The following ZNF804A variants were observed in gnomAD, a reference collection of about 807,000 sequenced individuals.
The protein encoded by ZNF804A is zinc finger protein 804A.
Under a neutral mutation model 16.5 loss-of-function variants are expected in ZNF804A, and 2 were observed. The observed-to-expected ratio is 0.12, with a 90% confidence interval of 0.05 to 0.38. The LOEUF (loss-of-function observed/expected upper bound fraction) is 0.38, where lower values mean the gene tolerates loss of function less well. ZNF804A is among the 10% of genes least tolerant of loss of function. ZNF804A has a pLI of 0.99. For synonymous variants in ZNF804A, 534 were observed against 489.6 expected, an observed-to-expected ratio of 1.09 and a Z score of -1.20; for missense variants, 1,473 against 1,390.7, an observed-to-expected ratio of 1.06 and a Z score of -0.94.
intron 1 of ZNF804A, among the ~76,000 whole-genome samples, chr2:184,656,283 C>T (rs900253978): frequency 2.6e-5 from 4 of 152,040 alleles, no homozygotes; most frequent in African/African-American, 9.7e-5. Flanking sequence ...AGTATGCACG[C>T]AATATTGCTA....
intron 1 of ZNF804A, among the ~76,000 whole-genome samples, chr2:184,752,417 G>T (rs1351092129): frequency 2.0e-5 from 3 of 151,466 alleles, no homozygotes; most frequent in Non-Finnish European, 4.4e-5. Context: ...TTACAAGTGG[G>T]ACTAAATAAT....
intron 1 of ZNF804A, among the ~76,000 whole-genome samples, chr2:184,639,143 G>C (rs975604951): frequency 7.1e-6 from 1 of 141,300 alleles, no homozygotes; most frequent in African/African-American, 2.7e-5. Context: ...GCGTGCTCTC[G>C]GCTCACTGCA....
intron 1 of ZNF804A, among the ~76,000 whole-genome samples, chr2:184,670,476 T>C (rs1424773610): frequency 6.6e-6 from 1 of 152,130 alleles, no homozygotes; most frequent in East Asian, 1.9e-4. Context: ...TTATTCCTTT[T>C]CTTCTCTATA....
intron 2 of ZNF804A, among the ~76,000 whole-genome samples, chr2:184,925,946 G>T (rs113405514): frequency 6.6e-6 from 1 of 151,404 alleles, no homozygotes; most frequent in Admixed American, 6.6e-5. Context: ...ATGGAGTCTC[G>T]CTCTATCTTA....
intron 2 of ZNF804A, among the ~76,000 whole-genome samples, chr2:184,920,555 G>C (rs1685514833): frequency 6.6e-6 from 1 of 152,084 alleles, no homozygotes; most frequent in Non-Finnish European, 1.5e-5. Flanking sequence ...CCTTGTATGT[G>C]GATGGAAACT....
intron 1 of ZNF804A, among the ~76,000 whole-genome samples, chr2:184,731,251 C>CTTAA: frequency 2.2e-5 from 1 of 45,296 alleles, no homozygotes; most frequent in Non-Finnish European, 3.5e-5. Context: ...GGCTCCGTCG[C>CTTAA]AAAAAAAAAA....
chr2:184,821,325 A>T (rs954615756), intron 1 of ZNF804A, among the ~76,000 whole-genome samples: 4 of 152,130 alleles, frequency 2.6e-5, no homozygotes, highest in African/African-American at 9.7e-5. Flanking sequence ...ATGATTTTCT[A>T]TTTAATAAAT....
rs548475472 is a variant in ZNF804A at position 184,721,973 on chromosome 2, A to G, written c.111+122903A>G. ...TGGAGGGCATTATGTTAGGTGAAAT[A>G]AGCGAGGCATAGAAAGACAAAGTTT... On this transcript the variant is annotated intron_variant, in intron 1 of 3. Transcript: ENST00000302277. Among the ~76,000 whole-genome samples, 30 of 152,192 alleles carry G rather than the reference A, an allele frequency of 2.0e-4. 1 individual carries two copies. The highest frequency in any genetic ancestry group is 6.7e-4 in the African/African-American group (28 of 41,556).
At chr2:184,872,526 C>T (rs1695992050) in intron 2 of ZNF804A, among the ~76,000 whole-genome samples, 1 of 151,950 alleles carries the variant, frequency 6.6e-6, no homozygotes, top group South Asian at 2.1e-4. Context: ...GAACAATAGA[C>T]CATATATGAT....
At chr2:184,819,312 G>T (rs1230988887) in intron 1 of ZNF804A, among the ~76,000 whole-genome samples, 2 of 151,840 alleles carry the variant, frequency 1.3e-5, no homozygotes, top group African/African-American at 2.4e-5. Context: ...CCTGCTTCTG[G>T]ATGACTCCTG....
intron 1 of ZNF804A, among the ~76,000 whole-genome samples, chr2:184,804,872 T>C (rs144972574): frequency 5.1e-4 from 78 of 152,340 alleles, no homozygotes; most frequent in Non-Finnish European, 9.3e-4. Context: ...TAGGATTAGC[T>C]ATAGCTATAT....
chr2:184,794,480 G>A (rs960608874), intron 1 of ZNF804A, among the ~76,000 whole-genome samples: 1 of 151,960 alleles, frequency 6.6e-6, no homozygotes, highest in Non-Finnish European at 1.5e-5. Context: ...GTAGTCCTTT[G>A]TCAGATGTAT....
intron 1 of ZNF804A, among the ~76,000 whole-genome samples, chr2:184,683,901 T>C (rs114030182): frequency 0.022 from 3,372 of 152,302 alleles, 74 homozygotes; most frequent in Non-Finnish European, 0.034. Flanking sequence ...GCCTCATTAT[T>C]GTCCCTTGCT....
chr2:184,612,892 T>C (rs569768486), intron 1 of ZNF804A, among the ~76,000 whole-genome samples: 2 of 152,270 alleles, frequency 1.3e-5, no homozygotes, highest in African/African-American at 4.8e-5. Flanking sequence ...AAAGGGTTAA[T>C]TAAGTAAATA....
intron 1 of ZNF804A, among the ~76,000 whole-genome samples, chr2:184,755,793 C>T (rs79869395): frequency 1.2e-3 from 175 of 152,066 alleles, no homozygotes; most frequent in African/African-American, 3.8e-3. Context: ...TCAAATGCAT[C>T]CCTGATTAGT....
intron 1 of ZNF804A, among the ~76,000 whole-genome samples, chr2:184,764,080 T>C (rs1215830977): frequency 6.6e-6 from 1 of 152,150 alleles, no homozygotes; most frequent in South Asian, 2.1e-4. Context: ...AATTATTTTT[T>C]TAAAGGATTG....
chr2:184,663,817 G>A lies in ZNF804A; in HGVS notation c.111+64747G>A, dbSNP rs79870865. On this transcript the variant is annotated intron_variant, in intron 1 of 3. Transcript: ENST00000302277. ...ACATCACAAATAGATTATAGCCCTC[G>A]TATGAAAGAACGCTTGCTATGGGAA... is the stretch of plus-strand genomic sequence containing the variant. 9.7e-3 allele frequency among the ~76,000 whole-genome samples: 1,484 copies of A among 152,244 alleles called. 16 individuals carry two copies. Among genetic ancestry groups the A allele is most frequent in the African/African-American group, 0.034 (1,400 of 41,538 alleles).
At chr2:184,608,232 A>G (rs1043473673) in intron 1 of ZNF804A, among the ~76,000 whole-genome samples, 3 of 152,044 alleles carry the variant, frequency 2.0e-5, no homozygotes, top group African/African-American at 7.2e-5. Flanking sequence ...GGCGTGAGCC[A>G]CCGCGCCCGG....
intron 1 of ZNF804A, among the ~76,000 whole-genome samples, chr2:184,820,347 G>A (rs1224986055): frequency 6.6e-6 from 1 of 152,074 alleles, no homozygotes; most frequent in Admixed American, 6.6e-5. Context: ...TGCAGGAAAT[G>A]CCTTTGATAA....
Sources: gnomAD v4.1 joint callset for allele counts (sites outside exome capture counted in the v4.1 genomes callset) on GRCh38, gnomAD v4.1.1 for gene constraint, MANE v1.5 for transcripts, NCBI Gene and HGNC (gene_info 2026-07-23, HGNC 2026-07-21) for gene names.